Variants in NRG1 observed in about 807,000 individuals in gnomAD.
NRG1 encodes pro-neuregulin-1, membrane-bound isoform.
A neutral mutation model predicts 63.8 loss-of-function variants in NRG1; 18 were observed. That is an observed-to-expected ratio of 0.28 (90% CI 0.19 to 0.42). The LOEUF is 0.42. Among genes scored for constraint, NRG1 ranks in the 10% least tolerant of loss-of-function variants. The pLI is 1.00. For synonymous variants in NRG1, 302 were observed against 301.3 expected, an observed-to-expected ratio of 1.00 and a Z score of -0.02; for missense variants, 762 against 814.7, an observed-to-expected ratio of 0.94 and a Z score of 0.79.
rs751770950 is a variant in NRG1, at chr8:32,236,129, ATG to A, written c.38-359682_38-359681del. Among the ~76,000 whole-genome samples the A allele has an allele frequency of 2.4e-3, 353 of 147,598 alleles. 1 individual carries two copies. Among genetic ancestry groups the A allele is most frequent in the Admixed American group, 6.2e-3 (92 of 14,798 alleles). ...AAGATTTTTTTGTTTTTGTGTGTGT[ATG>A]TGTGTGTGTGTGTGTGAATGTGTGT... is the stretch of plus-strand genomic sequence containing the variant. On this transcript the variant is annotated intron_variant, in intron 1 of 10. Coordinates refer to the NRG1 transcript ENST00000519301.
At chr8:31,739,810 A>G (rs1435952292) in intron 1 of NRG1, among the ~76,000 whole-genome samples, 1 of 151,844 alleles carries the variant, frequency 6.6e-6, no homozygotes, top group Admixed American at 6.6e-5. Flanking sequence ...TTTTTTCTTT[A>G]TAAAACTGCT....
chr8:31,777,900 C>A (rs1819305557), intron 1 of NRG1, among the ~76,000 whole-genome samples: 1 of 152,094 alleles, frequency 6.6e-6, no homozygotes, highest in African/African-American at 2.4e-5. Flanking sequence ...GGGATCCACC[C>A]CTATGACCCA....
chr8:32,149,690 G>A (rs1279062859), intron 1 of NRG1, among the ~76,000 whole-genome samples: 1 of 152,204 alleles, frequency 6.6e-6, no homozygotes, highest in African/African-American at 2.4e-5. Flanking sequence ...GCGGAAGAAT[G>A]AGGTAAAATG....
intron 1 of NRG1, among the ~76,000 whole-genome samples, chr8:31,852,174 G>T (rs1411269455): frequency 6.6e-6 from 1 of 152,162 alleles, no homozygotes; most frequent in East Asian, 1.9e-4. Flanking sequence ...GATCCCTGAG[G>T]AATCGCCACA....
At chr8:32,462,595 C>CTTTTTTTTTT (rs58485445) in intron 1 of NRG1, among the ~76,000 whole-genome samples, 1 of 72,274 alleles carries the variant, frequency 1.4e-5, no homozygotes, top group Non-Finnish European at 2.5e-5. Flanking sequence ...CACACTGATT[C>CTTTTTTTTTT]TTTTTTTTTT....
intron 5 of NRG1, among the ~76,000 whole-genome samples, chr8:32,675,613 A>G (rs945750262): frequency 2.6e-5 from 4 of 152,180 alleles, no homozygotes; most frequent in African/African-American, 9.7e-5. Flanking sequence ...TGATAAACAA[A>G]TATTTATTCT....
At chr8:31,732,466 T>C (rs1814188973) in intron 1 of NRG1, among the ~76,000 whole-genome samples, 1 of 152,120 alleles carries the variant, frequency 6.6e-6, no homozygotes, top group African/African-American at 2.4e-5. Flanking sequence ...ATACATTAGG[T>C]TCCTCCATTT....
chr8:32,717,028 A>C (rs1237714913), intron 5 of NRG1, among the ~76,000 whole-genome samples: 1 of 152,178 alleles, frequency 6.6e-6, no homozygotes, highest in Admixed American at 6.5e-5. Context: ...AAAATGGAAA[A>C]AGAAGAAAAA....
In NRG1 at chr8:32,083,789, T is replaced by TG. The variant is rs1356801513; in HGVS notation, c.37+444358_37+444359insG. The stretch of plus-strand genomic sequence containing the variant: ...TGTGATACAGTATATATGTATTTTT[T>TG]TAATAAAAGAAAGTGACATATATTG... On this transcript the variant is annotated intron_variant, in intron 1 of 10. Transcript: ENST00000519301. Among the ~76,000 whole-genome samples, 3 of 151,764 alleles carry TG rather than the reference T, an allele frequency of 2.0e-5. No individual in the cohort carries two copies. In the South Asian group the frequency reaches 6.3e-4, roughly 32 times the overall value.
chr8:32,156,469 T>C (rs1408771337), intron 1 of NRG1, among the ~76,000 whole-genome samples: 1 of 152,260 alleles, frequency 6.6e-6, no homozygotes, highest in South Asian at 2.1e-4. Context: ...TGATACTATG[T>C]CTATTTTTAT....
chr8:32,556,962 C>A (rs1162623708), intron 1 of NRG1, among the ~76,000 whole-genome samples: 1 of 152,154 alleles, frequency 6.6e-6, no homozygotes, highest in Admixed American at 6.6e-5. Flanking sequence ...TAAGTTAACA[C>A]AATTTTTCAT....
intron 1 of NRG1, among the ~76,000 whole-genome samples, chr8:31,878,406 G>A (rs1483819964): frequency 6.6e-6 from 1 of 152,128 alleles, no homozygotes; most frequent in Non-Finnish European, 1.5e-5. Context: ...ATTAAATTAT[G>A]TACGAGTGCA....
At chr8:32,310,910 T>C (rs1305380096) in intron 1 of NRG1, among the ~76,000 whole-genome samples, 2 of 152,192 alleles carry the variant, frequency 1.3e-5, no homozygotes, top group African/African-American at 2.4e-5. Context: ...TGCTGTTCCC[T>C]CTACCTGGAA....
At chr8:31,859,974 CA>C (rs1828319735) in intron 1 of NRG1, among the ~76,000 whole-genome samples, 1 of 152,190 alleles carries the variant, frequency 6.6e-6, no homozygotes, top group African/African-American at 2.4e-5. Context: ...CCCCCTCTAG[CA>C]AAACCATGCC....
intron 1 of NRG1, among the ~76,000 whole-genome samples, chr8:32,560,080 T>C (rs1836084405): frequency 6.6e-6 from 1 of 152,132 alleles, no homozygotes; most frequent in African/African-American, 2.4e-5. Context: ...AATGCATAGC[T>C]GTTAAGCTGT....
intron 1 of NRG1, among the ~76,000 whole-genome samples, chr8:32,064,878 A>T (rs756828122): frequency 3.8e-4 from 58 of 152,146 alleles, no homozygotes; most frequent in Non-Finnish European, 5.6e-4. Context: ...TTAAGTACAG[A>T]TACTGAAATA....
intron 1 of NRG1, among the ~76,000 whole-genome samples, chr8:31,700,429 C>G (rs1810517626): frequency 6.6e-6 from 1 of 152,106 alleles, no homozygotes; most frequent in Non-Finnish European, 1.5e-5. Context: ...TTGTGTGGAG[C>G]TGGTGAAACT....
At position 31,713,109 on chromosome 8, in the gene NRG1, ATT is replaced by A. The variant is rs11304829; in HGVS notation, c.37+73702_37+73703del. Among the ~76,000 whole-genome samples, 497 of 86,034 alleles carry A rather than the reference ATT, an allele frequency of 5.8e-3. 2 individuals are homozygous for A. Among genetic ancestry groups the A allele is most frequent in the African/African-American group, 0.011 (289 of 25,190 alleles). The allele number at this position is 86,034 out of a possible 152,430, so 56.4% of individuals were successfully genotyped here. A position where few individuals can be genotyped will look rare whatever the true frequency, so the allele number is the denominator to read the frequency against. ...CCTACTCACTGCCATACTCCTTCTA[ATT>A]TTTTTTTTTTTTTTTTTTTTTTTGA... On this transcript the variant is annotated intron_variant, in intron 1 of 10. Coordinates refer to the NRG1 transcript ENST00000519301.
chr8:32,407,162 AT>A (rs1009882234), intron 1 of NRG1, among the ~76,000 whole-genome samples: 1 of 151,196 alleles, frequency 6.6e-6, no homozygotes. Context: ...ATATGGGAAA[AT>A]GCTTTGTAAG....
Sources: gnomAD v4.1 joint callset for allele counts (sites outside exome capture counted in the v4.1 genomes callset) on GRCh38, gnomAD v4.1.1 for gene constraint, MANE v1.5 for transcripts, NCBI Gene and HGNC (gene_info 2026-07-23, HGNC 2026-07-21) for gene names.